ACAD10: variants seen among roughly 807,000 people sequenced by gnomAD.
The protein encoded by ACAD10 is acyl-CoA dehydrogenase family member 10.
In ACAD10, 112 loss-of-function variants were observed where a neutral mutation model predicts 116.8. That is an observed-to-expected ratio of 0.96 (90% CI 0.82 to 1.12). ACAD10 has a LOEUF of 1.12. ACAD10 is among the 50% of genes most tolerant of loss of function. The pLI is 0.00. For missense variants in ACAD10, 1,259 were observed against 1,350.2 expected, an observed-to-expected ratio of 0.93 and a Z score of 1.06; for synonymous variants, 486 against 510.6, an observed-to-expected ratio of 0.95 and a Z score of 0.65.
At chr12:111,709,414 TAATA>T in intron 4 of ACAD10, 108 bp from the exon 5 acceptor site, 2 of 884,436 alleles carry the variant, frequency 2.3e-6, no homozygotes, top group Non-Finnish European at 3.3e-6. Context: ...TTACTTGTTA[TAATA>T]AATCTCAACT....
chr12:111,697,041 A>G (rs1888207286), intron 2 of ACAD10, among the ~76,000 whole-genome samples: 2 of 151,238 alleles, frequency 1.3e-5, no homozygotes, highest in East Asian at 4.0e-4. Flanking sequence ...AGATGGCACC[A>G]CTGCACTCCA....
chr12:111,756,774 T>G lies in ACAD10; in HGVS notation c.*301T>G, dbSNP rs921904802. ...CCCAGGCTGGGCAGGCACGGTCACTTCACTTCAGCCTTTCAGTCCCTCTCT... is the reference window on the plus strand; with the variant it reads ...CCCAGGCTGGGCAGGCACGGTCACTGCACTTCAGCCTTTCAGTCCCTCTCT... On this transcript the variant is annotated 3_prime_UTR_variant, in exon 21 of 21. Transcript: ENST00000313698. 1.8e-6 allele frequency: 1 copy of G among 548,132 alleles called. No individual in the cohort carries two copies. The highest frequency in any genetic ancestry group is 1.9e-5 in the African/African-American group (1 of 53,248). 34.0% of individuals were successfully genotyped at this position (548,132 alleles called of 1,614,324 possible). A position where few individuals can be genotyped will look rare whatever the true frequency, so the allele number is the denominator to read the frequency against.
rs1794974134 is a variant in ACAD10, at chr12:111,705,819, G to C, written c.418G>C (p.Glu140Gln). ...RVAKQFPVMT[E>Q]AITQIRAKGL... ...GGCAAAGCAGTTCCCAGTGATGACT[G>C]AGGCCATAACTCAAATTCGGGCAAA... The change falls in exon 4 of 21, where the codon GAG becomes CAG. Residue 140 changes from glutamate to glutamine, a missense_variant. Physicochemically the swap from Glu to Gln is conservative, Grantham distance 29. Transcript: ENST00000313698. 6.2e-7 allele frequency: 1 copy of C among 1,614,188 alleles called. No homozygotes were observed.
intron 11 of ACAD10, among the ~76,000 whole-genome samples, chr12:111,734,851 G>T (rs1326922673): frequency 6.6e-6 from 1 of 151,998 alleles, no homozygotes; most frequent in Non-Finnish European, 1.5e-5. Context: ...ATTGTATACT[G>T]TAGACATGTT....
intron 8 of ACAD10, among the ~76,000 whole-genome samples, chr12:111,724,627 AC>A (rs1337612534): frequency 6.6e-6 from 1 of 151,858 alleles, no homozygotes; most frequent in African/African-American, 2.4e-5. Context: ...ACACAGCGAA[AC>A]CCCGTCTCCA....
chr12:111,708,877 T>C (rs540206087), intron 4 of ACAD10, among the ~76,000 whole-genome samples: 1 of 152,124 alleles, frequency 6.6e-6, no homozygotes, highest in Non-Finnish European at 1.5e-5. Context: ...GGATCAGATA[T>C]GTGGCTGAAG....
intron 3 of ACAD10, 55 bp downstream of exon 3, chr12:111,702,365 G>C: frequency 6.3e-7 from 1 of 1,585,580 alleles, no homozygotes; most frequent in Non-Finnish European, 8.6e-7. Flanking sequence ...TTGAGTAGTG[G>C]TTGCAACATT....
At chr12:111,729,429 C>T (rs1182923018) in intron 9 of ACAD10, among the ~76,000 whole-genome samples, 1 of 152,098 alleles carries the variant, frequency 6.6e-6, no homozygotes. Flanking sequence ...AGTAGAGATG[C>T]GCTTTCGCCA....
chr12:111,716,105 C>A, intron 7 of ACAD10, 143 bp downstream of exon 7: 1 of 1,240,802 alleles, frequency 8.1e-7, no homozygotes, highest in Non-Finnish European at 1.1e-6. Context: ...GTGGGTCACA[C>A]CTATAATCCC....
intron 10 of ACAD10, among the ~76,000 whole-genome samples, chr12:111,730,533 G>A (rs1889356003): frequency 1.3e-5 from 2 of 152,272 alleles, no homozygotes; most frequent in African/African-American, 2.4e-5. Context: ...GGCGTCTGGC[G>A]GCAGTGTCTA....
intron 3 of ACAD10, among the ~76,000 whole-genome samples, chr12:111,705,287 T>C (rs1437894258): frequency 6.6e-6 from 1 of 152,008 alleles, no homozygotes; most frequent in East Asian, 1.9e-4. Flanking sequence ...GTGCAATGGC[T>C]TGATCATAGC....
intron 12 of ACAD10, among the ~76,000 whole-genome samples, chr12:111,738,820 G>A (rs1218235978): frequency 6.6e-6 from 1 of 152,144 alleles, no homozygotes; most frequent in African/African-American, 2.4e-5. Context: ...GCAGTGAGCT[G>A]AGATCGCGCC....
chr12:111,737,157 T>C (rs1366633671), intron 12 of ACAD10, among the ~76,000 whole-genome samples, 153 bp downstream of exon 12: 2 of 152,184 alleles, frequency 1.3e-5, no homozygotes, highest in Non-Finnish European at 2.9e-5. Flanking sequence ...CATTTGTCCA[T>C]AAATATTTTC....
chr12:111,703,825 CAG>C (rs1269138116), intron 3 of ACAD10, among the ~76,000 whole-genome samples: 2 of 151,630 alleles, frequency 1.3e-5, no homozygotes, highest in Non-Finnish European at 2.9e-5. Flanking sequence ...GCCTGGGTGA[CAG>C]AGTGAGACTC....
chr12:111,737,062 C>T (rs1889587911), intron 12 of ACAD10, 58 bp downstream of exon 12: 1 of 1,560,766 alleles, frequency 6.4e-7, no homozygotes, highest in Non-Finnish European at 8.7e-7. Context: ...AAGGACCGTG[C>T]CTCCACCTGG....
intron 6 of ACAD10, among the ~76,000 whole-genome samples, chr12:111,712,973 T>G (rs1165232293): frequency 6.6e-6 from 1 of 152,174 alleles, no homozygotes; most frequent in African/African-American, 2.4e-5. Context: ...ATTTTACAGT[T>G]TCTAATGCTT....
chr12:111,721,565 C>A, intron 7 of ACAD10, 106 bp from the exon 8 acceptor site: 3 of 1,115,514 alleles, frequency 2.7e-6, no homozygotes, highest in Non-Finnish European at 3.9e-6. Context: ...GAGACTGTGT[C>A]TCAAAAAACA....
chr12:111,720,994 G>A (rs1888998888), intron 7 of ACAD10, among the ~76,000 whole-genome samples: 1 of 151,912 alleles, frequency 6.6e-6, no homozygotes, highest in South Asian at 2.1e-4. Flanking sequence ...ATGTTGGCCA[G>A]GGTGGTCTTG....
rs748986362 is a variant in ACAD10, at chr12:111,745,019, CT to C, written c.2092del (p.Ser698ProfsTer3). 1 of 1,613,722 alleles carries C rather than the reference CT, an allele frequency of 6.2e-7. No homozygotes were observed. The highest frequency in any genetic ancestry group is 8.5e-7 in the Non-Finnish European group (1 of 1,179,982). On this transcript the variant is annotated frameshift_variant, in exon 13 of 21. Transcript: ENST00000313698. LOFTEE classifies it high-confidence loss of function. Reference protein sequence around the residue: ...HQASAARWSPSPLIEDLKEKA... With the variant: ...HQASAARWSPXPLIEDLKEKA... ...AGGCCTCAGCAGCCAGGTGGAGCCC[CT>C]CCCCACTGATCGAAGACCTCAAGGT...
Sources: allele counts gnomAD v4.1 joint callset (sites outside exome capture counted in the v4.1 genomes callset), GRCh38; gene constraint gnomAD v4.1.1; transcripts MANE v1.5; gene names NCBI Gene and HGNC (gene_info 2026-07-23, HGNC 2026-07-21).